CACNA2D3: variants seen among roughly 807,000 people sequenced by gnomAD.
CACNA2D3 encodes the protein calcium voltage-gated channel auxiliary subunit alpha2delta 3.
A neutral mutation model predicts 160.6 loss-of-function variants in CACNA2D3; 60 were observed. The ratio of observed to expected loss-of-function variants is 0.37; its 90% CI spans 0.30 to 0.46. The LOEUF (loss-of-function observed/expected upper bound fraction) is 0.46, where lower values mean the gene tolerates loss of function less well. CACNA2D3 is among the 20% of genes least tolerant of loss of function. The pLI is 1.00. For synonymous variants in CACNA2D3, 558 were observed against 492.9 expected (o/e 1.13, Z -1.75); for missense variants, 1,205 against 1,365.0 (o/e 0.88, Z 1.85).
intron 2 of CACNA2D3, among the ~76,000 whole-genome samples, chr3:54,137,279 T>C (rs1699831661): frequency 1.3e-5 from 2 of 152,252 alleles, no homozygotes; most frequent in African/African-American, 4.8e-5. Flanking sequence ...CATACACGTC[T>C]GCTTGTTGAA....
intron 2 of CACNA2D3, among the ~76,000 whole-genome samples, chr3:54,301,278 C>CA (rs1437706736): frequency 3.5e-5 from 5 of 144,806 alleles, no homozygotes; most frequent in South Asian, 2.4e-4. Context: ...ACAACAACAA[C>CA]AACAAACAAA....
chr3:54,695,992 TC>T (rs1444586943), intron 11 of CACNA2D3, among the ~76,000 whole-genome samples: 1 of 152,194 alleles, frequency 6.6e-6, no homozygotes, highest in Non-Finnish European at 1.5e-5. Flanking sequence ...TATTTTCCCT[TC>T]TTTCTACATC....
At chr3:54,658,271 A>G (rs189105742) in intron 11 of CACNA2D3, among the ~76,000 whole-genome samples, 10 of 152,310 alleles carry the variant, frequency 6.6e-5, no homozygotes, top group African/African-American at 2.2e-4. Context: ...CTGTTTTCAT[A>G]ATGGCTGTAC....
chr3:54,549,234 C>T (rs1021501292), intron 5 of CACNA2D3, among the ~76,000 whole-genome samples: 9 of 152,090 alleles, frequency 5.9e-5, no homozygotes, highest in Admixed American at 2.0e-4. Context: ...ATCACGAGGT[C>T]GGGAGATCGA....
chr3:54,225,953 C>T (rs547114396), intron 2 of CACNA2D3, among the ~76,000 whole-genome samples: 105 of 152,118 alleles, frequency 6.9e-4, no homozygotes, highest in African/African-American at 2.4e-3. Flanking sequence ...TCACCTTCAC[C>T]GGATTGGGGA....
At chr3:54,530,068 C>A (rs903388443) in intron 5 of CACNA2D3, among the ~76,000 whole-genome samples, 1 of 152,112 alleles carries the variant, frequency 6.6e-6, no homozygotes, top group African/African-American at 2.4e-5. Flanking sequence ...CTGACAGTGC[C>A]CAGGTCAAAG....
At chr3:54,892,922 A>G (rs1700100899) in intron 25 of CACNA2D3, among the ~76,000 whole-genome samples, 1 of 152,196 alleles carries the variant, frequency 6.6e-6, no homozygotes, top group South Asian at 2.1e-4. Flanking sequence ...GGGTATCTTC[A>G]TTCTGTCCTC....
chr3:54,424,028 A>G (rs897897003), intron 4 of CACNA2D3, among the ~76,000 whole-genome samples: 3 of 151,754 alleles, frequency 2.0e-5, no homozygotes, highest in Non-Finnish European at 1.5e-5. Flanking sequence ...AGCTGGTACT[A>G]TAGCTGCACA....
At chr3:54,830,209 C>T (rs1000616988) in intron 14 of CACNA2D3, among the ~76,000 whole-genome samples, 1 of 152,136 alleles carries the variant, frequency 6.6e-6, no homozygotes, top group African/African-American at 2.4e-5. Flanking sequence ...TCCCAAAGTG[C>T]TGGGATTACA....
intron 2 of CACNA2D3, among the ~76,000 whole-genome samples, chr3:54,193,171 C>A (rs1701013093): frequency 6.6e-6 from 1 of 151,516 alleles, no homozygotes; most frequent in Non-Finnish European, 1.5e-5. Flanking sequence ...TGATACTTCC[C>A]AGTTATGTGG....
chr3:54,506,635 G>A (rs1053311703), intron 5 of CACNA2D3, among the ~76,000 whole-genome samples: 4 of 152,150 alleles, frequency 2.6e-5, no homozygotes, highest in Admixed American at 6.5e-5. Context: ...TGTGCCCATG[G>A]GAACTCAAAG....
chr3:54,405,499 T>C (rs1043444648), intron 4 of CACNA2D3, among the ~76,000 whole-genome samples: 1 of 152,060 alleles, frequency 6.6e-6, no homozygotes, highest in African/African-American at 2.4e-5. Context: ...TAAATGGTGC[T>C]GGGAAAACTG....
At chr3:54,362,854 A>G (rs1224208433) in intron 3 of CACNA2D3, among the ~76,000 whole-genome samples, 2 of 152,208 alleles carry the variant, frequency 1.3e-5, no homozygotes, top group African/African-American at 2.4e-5. Context: ...TGATATCGCA[A>G]TGAGATGGGA....
At chr3:54,416,037 T>C (rs141766758) in intron 4 of CACNA2D3, among the ~76,000 whole-genome samples, 226 of 152,336 alleles carry the variant, frequency 1.5e-3, no homozygotes, top group African/African-American at 5.1e-3. Flanking sequence ...AAATTAGATA[T>C]AATAACTTAG....
chr3:54,996,814 C>A (rs181373524), intron 31 of CACNA2D3, among the ~76,000 whole-genome samples: 81 of 152,256 alleles, frequency 5.3e-4, no homozygotes, highest in Non-Finnish European at 8.8e-4. Flanking sequence ...AAATGTGGCA[C>A]ATATACACCA....
In CACNA2D3 at chr3:55,067,716, GATAC is replaced by G. The variant is rs59985203; in HGVS notation, c.2988-5701_2988-5698del. Among the ~76,000 whole-genome samples the G allele has an allele frequency of 3.2e-3, 478 of 151,202 alleles. 4 individuals carry two copies. The highest frequency in any genetic ancestry group is 9.3e-3 in the African/African-American group (382 of 41,118). The stretch of plus-strand genomic sequence containing the variant: ...CCTTTATTTATACATCCATGCATTA[GATAC>G]ATACATACATACATACATACATACA... On this transcript the variant is annotated intron_variant, in intron 35 of 37. Coordinates refer to ENST00000474759, the MANE Select transcript of CACNA2D3 (RefSeq NM_018398.3).
intron 13 of CACNA2D3, among the ~76,000 whole-genome samples, chr3:54,795,498 C>A (rs1411730286): frequency 6.6e-6 from 1 of 152,082 alleles, no homozygotes; most frequent in Admixed American, 6.6e-5. Flanking sequence ...TTCTGAGTGT[C>A]TGGATTTTGT....
At chr3:54,650,589 T>C (rs1488715321) in intron 11 of CACNA2D3, among the ~76,000 whole-genome samples, 1 of 152,202 alleles carries the variant, frequency 6.6e-6, no homozygotes, top group Non-Finnish European at 1.5e-5. Flanking sequence ...GGTCTTGAAC[T>C]TCTGACGTCA....
chr3:54,140,657 AGCTGTGTG>A (rs1029356346), intron 2 of CACNA2D3, among the ~76,000 whole-genome samples: 1 of 152,188 alleles, frequency 6.6e-6, no homozygotes, highest in Non-Finnish European at 1.5e-5. Context: ...ACCACTTATT[AGCTGTGTG>A]GCCTTAGGCA....
Sources: gnomAD v4.1 joint callset for allele counts (sites outside exome capture counted in the v4.1 genomes callset) on GRCh38, gnomAD v4.1.1 for gene constraint, MANE v1.5 for transcripts, NCBI Gene and HGNC (gene_info 2026-07-23, HGNC 2026-07-21) for gene names.